The following KCNK1 variants were observed in gnomAD, a reference collection of about 807,000 sequenced individuals.
KCNK1 encodes the protein potassium two pore domain channel subfamily K member 1, also known as potassium channel subfamily K member 1.
A neutral mutation model predicts 22.2 loss-of-function variants in KCNK1; 10 were observed. That is an observed-to-expected ratio of 0.45 (90% CI 0.28 to 0.76). The LOEUF is 0.76. KCNK1 is among the 30% of genes least tolerant of loss of function. KCNK1 has a pLI of 0.14. For missense variants in KCNK1, 378 were observed against 421.0 expected, an observed-to-expected ratio of 0.90 and a Z score of 0.89; for synonymous variants, 200 against 186.4, an observed-to-expected ratio of 1.07 and a Z score of -0.60.
intron 1 of KCNK1, among the ~76,000 whole-genome samples, chr1:233,625,978 A>G (rs527472307): frequency 1.3e-5 from 2 of 152,198 alleles, no homozygotes; most frequent in South Asian, 4.2e-4. Flanking sequence ...TATCTGAGCT[A>G]GGGGAAAAGC....
chr1:233,662,322 C>G (rs964867160), intron 1 of KCNK1, among the ~76,000 whole-genome samples: 1 of 151,690 alleles, frequency 6.6e-6, no homozygotes, highest in African/African-American at 2.4e-5. Context: ...ATGTATCAAG[C>G]TAACTTAATG....
chr1:233,640,022 A>G (rs1449666802), intron 1 of KCNK1, among the ~76,000 whole-genome samples: 2 of 152,212 alleles, frequency 1.3e-5, no homozygotes, highest in African/African-American at 4.8e-5. Flanking sequence ...GGATTTACAA[A>G]GGGGACTGTA....
At chr1:233,642,748 C>A (rs1377008238) in intron 1 of KCNK1, among the ~76,000 whole-genome samples, 1 of 151,942 alleles carries the variant, frequency 6.6e-6, no homozygotes, top group Non-Finnish European at 1.5e-5. Context: ...GAAATCATTC[C>A]AAAGTCACTG....
At chr1:233,667,810 A>T (rs1011215558) in intron 2 of KCNK1, among the ~76,000 whole-genome samples, 1 of 151,740 alleles carries the variant, frequency 6.6e-6, no homozygotes, top group African/African-American at 2.4e-5. Context: ...AGATTGCTCT[A>T]CTTTATTAAA....
intron 1 of KCNK1, among the ~76,000 whole-genome samples, chr1:233,627,075 C>T (rs371355966): frequency 2.6e-5 from 4 of 151,602 alleles, no homozygotes; most frequent in African/African-American, 4.9e-5. Flanking sequence ...AACACATTGA[C>T]GATTTTTACA....
intron 1 of KCNK1, chr1:233,637,280 T>C (rs578094181): frequency 6.6e-6 from 1 of 151,926 alleles, no homozygotes; most frequent in South Asian, 2.1e-4. Flanking sequence ...GGCTGTGTTT[T>C]TGAGCAGGTG....
At chr1:233,635,330 T>C (rs973719599) in intron 1 of KCNK1, among the ~76,000 whole-genome samples, 1 of 152,168 alleles carries the variant, frequency 6.6e-6, no homozygotes, top group African/African-American at 2.4e-5. Flanking sequence ...GTCACACATA[T>C]ATTTTGAGTT....
At chr1:233,625,236 T>C (rs1030382349) in intron 1 of KCNK1, among the ~76,000 whole-genome samples, 5 of 152,212 alleles carry the variant, frequency 3.3e-5, no homozygotes, top group Non-Finnish European at 7.3e-5. Context: ...GCAAGGCCTG[T>C]CTGGAATCTT....
intron 1 of KCNK1, among the ~76,000 whole-genome samples, chr1:233,664,868 T>G (rs1658462878): frequency 6.6e-6 from 1 of 152,104 alleles, no homozygotes. Flanking sequence ...TAATCACCTG[T>G]GTGGATTTTT....
chr1:233,640,737 G>A (rs900919534), intron 1 of KCNK1, among the ~76,000 whole-genome samples: 1 of 151,954 alleles, frequency 6.6e-6, no homozygotes, highest in East Asian at 1.9e-4. Context: ...ACAGGGTCTC[G>A]TTGTGTCGCC....
At chr1:233,628,176 A>G (rs915385048) in intron 1 of KCNK1, among the ~76,000 whole-genome samples, 9 of 152,154 alleles carry the variant, frequency 5.9e-5, no homozygotes, top group African/African-American at 1.7e-4. Context: ...CCTCATAACC[A>G]TCACTGGCTT....
chr1:233,671,189 A>G, intron 2 of KCNK1, 82 bp from the exon 3 acceptor site: 1 of 1,249,270 alleles, frequency 8.0e-7, no homozygotes, highest in Non-Finnish European at 1.2e-6. Flanking sequence ...CTGTGTTGGC[A>G]TGAGGTGGGG....
At chr1:233,650,881 C>T (rs887243045) in intron 1 of KCNK1, among the ~76,000 whole-genome samples, 12 of 151,878 alleles carry the variant, frequency 7.9e-5, no homozygotes, top group South Asian at 2.1e-4. Context: ...GCAAAATGGA[C>T]GCCACGTTTC....
At chr1:233,615,681 T>G (rs1020506759) in intron 1 of KCNK1, among the ~76,000 whole-genome samples, 1 of 146,158 alleles carries the variant, frequency 6.8e-6, no homozygotes, top group Non-Finnish European at 1.5e-5. Context: ...CCCTCAACCT[T>G]TACAGGTGAA....
intron 1 of KCNK1, among the ~76,000 whole-genome samples, chr1:233,662,196 G>A (rs530426586): frequency 6.6e-6 from 1 of 151,882 alleles, no homozygotes; most frequent in African/African-American, 2.4e-5. Context: ...GAGAGGCTGA[G>A]GTTCTTCTTT....
chr1:233,639,697 A>G (rs1657970688), intron 1 of KCNK1, among the ~76,000 whole-genome samples: 3 of 152,344 alleles, frequency 2.0e-5, no homozygotes, highest in African/African-American at 7.2e-5. Flanking sequence ...AAAAACAACA[A>G]AGAAAACCAC....
chr1:233,617,038 A>T (rs1657498239), intron 1 of KCNK1, among the ~76,000 whole-genome samples: 1 of 149,582 alleles, frequency 6.7e-6, no homozygotes, highest in Non-Finnish European at 1.5e-5. Flanking sequence ...GATATTAGAC[A>T]TGTTGTGCTT....
At chr1:233,661,153 C>T (rs532212178) in intron 1 of KCNK1, among the ~76,000 whole-genome samples, 5 of 152,314 alleles carry the variant, frequency 3.3e-5, no homozygotes, top group African/African-American at 1.2e-4. Flanking sequence ...GAACCTACCT[C>T]CTCAGACTGA....
In KCNK1 at chr1:233,668,950, C is replaced by G. The variant is rs1571907099; in HGVS notation, c.751+1960C>G. On this transcript the variant is annotated intron_variant, in intron 2 of 2. Transcript: ENST00000366621. ...ACACATTTCCTCCTCTGATATTCTT[C>G]CAAGAAATGAGATTGCTGGTGCAAA... 2.0e-5 allele frequency among the ~76,000 whole-genome samples: 3 copies of G among 152,256 alleles called. No individual in the cohort carries two copies. In the East Asian group the frequency reaches 5.8e-4, roughly 29 times the overall value.
Sources: gnomAD v4.1 joint callset for allele counts (sites outside exome capture counted in the v4.1 genomes callset) on GRCh38, gnomAD v4.1.1 for gene constraint, MANE v1.5 for transcripts, NCBI Gene and HGNC (gene_info 2026-07-23, HGNC 2026-07-21) for gene names.